The following ADAP1 variants were observed in gnomAD, a reference collection of about 807,000 sequenced individuals.
The protein encoded by ADAP1 is ArfGAP with dual PH domains 1, also known as arf-GAP with dual PH domain-containing protein 1.
A neutral mutation model predicts 54.9 loss-of-function variants in ADAP1; 31 were observed. The observed-to-expected ratio is 0.56, with a 90% CI of 0.42 to 0.76. The LOEUF is 0.76. Among genes scored for constraint, ADAP1 ranks in the 30% least tolerant of loss-of-function variants. ADAP1 has a pLI of 0.00. For missense variants in ADAP1, 535 were observed against 512.4 expected, an observed-to-expected ratio of 1.04 and a Z score of -0.42; for synonymous variants, 313 against 202.6, an observed-to-expected ratio of 1.55 and a Z score of -4.63.
At chr7:905,581 A>AGAAAGGAGAAAGG (rs1845174904) in intron 4 of ADAP1, 1 of 18,788 alleles carries the variant, frequency 5.3e-5, no homozygotes, top group Non-Finnish European at 7.9e-5. Flanking sequence ...AGGAGAAAGG[A>AGAAAGGAGAAAGG]GAAAGGAGAA....
At chr7:927,080 C>T (rs1388054796) in intron 2 of ADAP1, 2 of 1,299,910 alleles carry the variant, frequency 1.5e-6, no homozygotes, top group Admixed American at 4.8e-5. Flanking sequence ...CAACAGGCGC[C>T]AGACACGGGG....
chr7:951,328 G>A (rs1241143093), intron 1 of ADAP1, among the ~76,000 whole-genome samples: 5 of 150,882 alleles, frequency 3.3e-5, no homozygotes, highest in East Asian at 2.0e-4. Context: ...AGCCGAGATC[G>A]CACCACTGCA....
In ADAP1 at chr7:920,178, CTCTGGGCACAA is replaced by C; in HGVS notation, c.306-139_306-129del. 1 of 723,998 alleles carries C rather than the reference CTCTGGGCACAA, an allele frequency of 1.4e-6. No homozygotes were observed. The highest frequency in any genetic ancestry group is 2.6e-5 in the Admixed American group (1 of 37,906). 44.8% of individuals were successfully genotyped at this position (723,998 alleles called of 1,614,324 possible). A position where few individuals can be genotyped will look rare whatever the true frequency, so the allele number is the denominator to read the frequency against. ...GACCCCCGGCAGACTCGAGCCGCCC[CTCTGGGCACAA>C]GATCCCGGAAGAAATGCAGGGTCAG... On this transcript the variant is annotated intron_variant, in intron 3 of 10. Transcript: ENST00000265846. The surrounding 1 kb of genome is among the most constrained non-coding windows in gnomAD (Gnocchi z 4.5).
At chr7:912,133 G>T (rs964365876) in intron 4 of ADAP1, among the ~76,000 whole-genome samples, 1 of 152,130 alleles carries the variant, frequency 6.6e-6, no homozygotes, top group Non-Finnish European at 1.5e-5. Context: ...TTACGGCAAC[G>T]GTCGGCCCAT....
chr7:916,640 C>T (rs1027922854), intron 4 of ADAP1, among the ~76,000 whole-genome samples: 2 of 152,158 alleles, frequency 1.3e-5, no homozygotes, highest in Non-Finnish European at 1.5e-5. Flanking sequence ...ATCCCCTGAC[C>T]GTTTCTTGCT....
At chr7:952,278 T>C (rs1847290896) in intron 1 of ADAP1, among the ~76,000 whole-genome samples, 1 of 152,166 alleles carries the variant, frequency 6.6e-6, no homozygotes. Context: ...GGGTGGGGCC[T>C]GCTCAAGTCC....
At chr7:902,475 A>AAATGCCTGGGCGTG (rs1491159593) in intron 6 of ADAP1, among the ~76,000 whole-genome samples, 237 of 142,158 alleles carry the variant, frequency 1.7e-3, no homozygotes, top group East Asian at 2.9e-3. Flanking sequence ...AAAAAAAGAA[A>AAATGCCTGGGCGTG]GAAAAGAAAG....
At chr7:934,686 GCCCTTCCTGCCGCCTCCAGCATGCGTGGC>G (rs1265196539) in intron 2 of ADAP1, among the ~76,000 whole-genome samples, 1 of 152,162 alleles carries the variant, frequency 6.6e-6, no homozygotes, top group East Asian at 1.9e-4. Flanking sequence ...TCCCTACGGG[GCCCTTCCTGCCGCCTCCAGCATGCGTGGC>G]CCCTCCCTGC....
Position 906,527 on chromosome 7 carries a change from G to A in ADAP1, c.389-1355C>T, listed in dbSNP as rs1374967633. ...AGGGAGAAAGGAGAAAGGAGAAAGG[G>A]AAAGGAGAAAGGAGAAGGGAGAAAG... On this transcript the variant is annotated intron_variant, in intron 4 of 10. Transcript: ENST00000265846. Among the ~76,000 whole-genome samples the A allele has an allele frequency of 7.3e-4, 14 of 19,136 alleles. 1 individual carries two copies. The highest frequency in any genetic ancestry group is 1.2e-3 in the Admixed American group (2 of 1,724). The allele number at this position is 19,136 out of a possible 152,430, so 12.6% of individuals were successfully genotyped here. A position where few individuals can be genotyped will look rare whatever the true frequency, so the allele number is the denominator to read the frequency against.
At chr7:914,681 G>A (rs1235886280) in intron 4 of ADAP1, among the ~76,000 whole-genome samples, 1 of 152,182 alleles carries the variant, frequency 6.6e-6, no homozygotes, top group East Asian at 1.9e-4. Context: ...GCAGCGGGCA[G>A]CTAGGTCTGT....
At position 920,668 on chromosome 7, in the gene ADAP1, TGAG is replaced by T. The variant is rs1419661461; in HGVS notation, c.306-621_306-619del. 1.8e-5 allele frequency: 15 copies of T among 833,956 alleles called. No individual in the cohort carries two copies. The highest frequency in any genetic ancestry group is 2.9e-5 in the Admixed American group (1 of 34,360). 51.7% of individuals were successfully genotyped at this position (833,956 alleles called of 1,614,324 possible). A position where few individuals can be genotyped will look rare whatever the true frequency, so the allele number is the denominator to read the frequency against. On this transcript the variant is annotated intron_variant, in intron 3 of 10. Coordinates refer to ENST00000265846, the MANE Select transcript of ADAP1 (RefSeq NM_006869.4). This position sits in a 1 kb window ranked among gnomAD's most constrained non-coding sequence, Gnocchi z 4.5. ...CCCAAGAATCCAGGAAGACCCGGGA[TGAG>T]GAGAAGCCCCCGAGAGTAAAGCCCG... is the stretch of plus-strand genomic sequence containing the variant.
intron 3 of ADAP1, among the ~76,000 whole-genome samples, chr7:921,705 T>A (rs1846198036): frequency 6.6e-6 from 1 of 152,180 alleles, no homozygotes; most frequent in Non-Finnish European, 1.5e-5. Flanking sequence ...CCTGAGCCGC[T>A]CCGGCTGTGT....
intron 4 of ADAP1, among the ~76,000 whole-genome samples, chr7:914,527 C>A (rs1845852431): frequency 6.6e-6 from 1 of 152,182 alleles, no homozygotes; most frequent in African/African-American, 2.4e-5. Flanking sequence ...CACGTCCTCT[C>A]CTGCTGCTGC....
In ADAP1 at chr7:914,482, A is replaced by C. The variant is rs527914524; in HGVS notation, c.388+5486T>G. On this transcript the variant is annotated intron_variant, in intron 4 of 10. Transcript: ENST00000265846. ...AACTGGCGCTGGAGCCCTGTGGAGG[A>C]GGCTCTGCCCACGGGGCCGCCCCAG... 2.0e-4 allele frequency among the ~76,000 whole-genome samples: 30 copies of C among 152,212 alleles called. No individual in the cohort carries two copies. The South Asian group carries it at 5.8e-3, about 30-fold the overall frequency.
At chr7:906,682 GGACACGGGGGACAT>G (rs1562915131) in intron 4 of ADAP1, among the ~76,000 whole-genome samples, 13,106 of 88,222 alleles carry the variant, frequency 0.15, 1,978 homozygotes, top group East Asian at 0.41. Context: ...CATGGACAGG[GGACACGGGGGACAT>G]GGACATGGGG....
chr7:952,103 C>T (rs923743047), intron 1 of ADAP1, among the ~76,000 whole-genome samples: 1 of 152,118 alleles, frequency 6.6e-6, no homozygotes, highest in Non-Finnish European at 1.5e-5. Context: ...CCCAACTCGC[C>T]CACCTGCCAG....
rs146166802 is a variant in ADAP1 at position 947,613 on chromosome 7, C to T, written c.82+6783G>A. ...ACTCTGCCCACCACACCCCGACATC[C>T]CGTTGACCAGCAAATATTTCAAGAC... On this transcript the variant is annotated intron_variant, in intron 1 of 10. Transcript: ENST00000265846. 1.7e-3 allele frequency among the ~76,000 whole-genome samples: 265 copies of T among 152,172 alleles called. 2 individuals carry two copies. Among genetic ancestry groups the T allele is most frequent in the African/African-American group, 6.0e-3 (248 of 41,494 alleles).
chr7:952,057 C>T (rs1392094127), intron 1 of ADAP1, among the ~76,000 whole-genome samples: 1 of 152,126 alleles, frequency 6.6e-6, no homozygotes, highest in Non-Finnish European at 1.5e-5. Context: ...TGGAGACCCC[C>T]ACCCAGGTCT....
At chr7:923,863 T>C (rs1266967972) in intron 3 of ADAP1, among the ~76,000 whole-genome samples, 1 of 152,078 alleles carries the variant, frequency 6.6e-6, no homozygotes, top group African/African-American at 2.4e-5. Flanking sequence ...ACGGAGGCCG[T>C]GGGCACCAGC....
Sources: allele counts gnomAD v4.1 joint callset (sites outside exome capture counted in the v4.1 genomes callset), GRCh38; gene constraint gnomAD v4.1.1; non-coding constraint Gnocchi (gnomAD v3.1); transcripts MANE v1.5; gene names NCBI Gene and HGNC (gene_info 2026-07-23, HGNC 2026-07-21).